NXPE2: variants seen among roughly 807,000 people sequenced by gnomAD.
NXPE2 encodes NXPE family member 2.
Under a neutral mutation model 34.4 loss-of-function variants are expected in NXPE2, and 34 were observed. That is an observed-to-expected ratio of 0.99 (90% CI 0.75 to 1.31). The LOEUF (loss-of-function observed/expected upper bound fraction) is 1.31, where lower values mean the gene tolerates loss of function less well. Ranked by LOEUF, NXPE2 falls within the 40% of genes most tolerant of loss-of-function variation. The pLI, the probability that NXPE2 is intolerant of heterozygous loss-of-function variation, is 0.00. For synonymous variants in NXPE2, 235 were observed against 231.3 expected, an observed-to-expected ratio of 1.02 and a Z score of -0.15; for missense variants, 649 against 672.5, an observed-to-expected ratio of 0.97 and a Z score of 0.39.
At chr11:114,573,987 G>C in the NXPE2 span, among the ~76,000 whole-genome samples, 1 of 151,948 alleles carries the variant, frequency 6.6e-6, no homozygotes, top group Admixed American at 6.6e-5. Context: ...GTAAATTTAA[G>C]AAAATCAAAA....
the NXPE2 span, among the ~76,000 whole-genome samples, chr11:114,804,227 C>T: frequency 1.3e-5 from 2 of 152,200 alleles, no homozygotes; most frequent in African/African-American, 4.8e-5. Context: ...CTCCATTTCC[C>T]TCTGCTCCCT....
At chr11:114,717,832 G>C in the NXPE2 span, among the ~76,000 whole-genome samples, 1 of 152,146 alleles carries the variant, frequency 6.6e-6, no homozygotes, top group East Asian at 1.9e-4. Flanking sequence ...AGGTTTGTTG[G>C]GGGAGAGTGA....
the NXPE2 span, among the ~76,000 whole-genome samples, chr11:114,801,664 A>AGCTGTTGT: frequency 1.2e-3 from 1 of 858 alleles, no homozygotes; most frequent in African/African-American, 1.4e-3. Context: ...CAGGATGTGA[A>AGCTGTTGT]GAAAAGGAGA....
At chr11:114,779,283 C>T in the NXPE2 span, among the ~76,000 whole-genome samples, 10 of 146,472 alleles carry the variant, frequency 6.8e-5, no homozygotes, top group Admixed American at 6.8e-4. Flanking sequence ...TTAACTTTTT[C>T]CAGCTATCAC....
chr11:114,622,170 A>G, the NXPE2 span, among the ~76,000 whole-genome samples: 1 of 151,940 alleles, frequency 6.6e-6, no homozygotes, highest in Admixed American at 6.6e-5. Flanking sequence ...CCAGTGGATA[A>G]TAAGTATTGC....
At chr11:114,627,930 T>C in the NXPE2 span, among the ~76,000 whole-genome samples, 2 of 151,992 alleles carry the variant, frequency 1.3e-5, no homozygotes, top group Non-Finnish European at 2.9e-5. Context: ...AGAAGGCCAT[T>C]ATTTAATGGT....
At chr11:114,629,472 C>A in the NXPE2 span, among the ~76,000 whole-genome samples, 10,954 of 147,396 alleles carry the variant, frequency 0.074, 507 homozygotes, top group Middle Eastern at 0.19. Flanking sequence ...ATTCAACAAC[C>A]CTTCATGCTA....
At chr11:114,501,221 C>A in the NXPE2 span, among the ~76,000 whole-genome samples, 6 of 152,136 alleles carry the variant, frequency 3.9e-5, no homozygotes, top group Non-Finnish European at 5.9e-5. Context: ...CACCCCAGAC[C>A]TAATTTTCAC....
chr11:114,760,757 C>A, the NXPE2 span, among the ~76,000 whole-genome samples: 1 of 152,150 alleles, frequency 6.6e-6, no homozygotes, highest in Admixed American at 6.5e-5. Flanking sequence ...TAATCAAGAC[C>A]ATTTTAAGGC....
chr11:114,577,433 T>C, the NXPE2 span, among the ~76,000 whole-genome samples: 3 of 151,916 alleles, frequency 2.0e-5, no homozygotes, highest in South Asian at 2.1e-4. Context: ...TAAAAGACTA[T>C]ACATTGGGCA....
chr11:114,538,401 A>G, the NXPE2 span, among the ~76,000 whole-genome samples: 5 of 152,188 alleles, frequency 3.3e-5, no homozygotes, highest in African/African-American at 1.2e-4. Context: ...ACCAAAAGCA[A>G]TGGCAACAAA....
chr11:114,523,303 G>C, the NXPE2 span, among the ~76,000 whole-genome samples: 1 of 151,966 alleles, frequency 6.6e-6, no homozygotes, highest in Non-Finnish European at 1.5e-5. Context: ...CTTGCCTTCT[G>C]TCTAATTCCT....
At chr11:114,713,990 C>T in the NXPE2 span, among the ~76,000 whole-genome samples, 2 of 152,244 alleles carry the variant, frequency 1.3e-5, no homozygotes, top group Admixed American at 6.5e-5. Context: ...TATTCTTGCT[C>T]CGCATATAAA....
the NXPE2 span, among the ~76,000 whole-genome samples, chr11:114,753,732 A>G: frequency 4.9e-4 from 74 of 152,348 alleles, no homozygotes; most frequent in African/African-American, 1.7e-3. Context: ...TAGTGTGCCA[A>G]ATTAAATCGT....
At chr11:114,597,525 C>T in the NXPE2 span, among the ~76,000 whole-genome samples, 4 of 152,282 alleles carry the variant, frequency 2.6e-5, no homozygotes, top group African/African-American at 9.6e-5. Context: ...CATTTTTATG[C>T]ATACATGGGT....
the NXPE2 span, among the ~76,000 whole-genome samples, chr11:114,557,392 A>C: frequency 6.6e-6 from 1 of 151,538 alleles, no homozygotes; most frequent in Non-Finnish European, 1.5e-5. Flanking sequence ...AGAAAACTGT[A>C]CTCCATTTAC....
chr11:114,745,125 A>G, the NXPE2 span, among the ~76,000 whole-genome samples: 1 of 152,224 alleles, frequency 6.6e-6, no homozygotes, highest in Non-Finnish European at 1.5e-5. Context: ...TTTGATGTAT[A>G]TTAGAGAAAA....
chr11:114,645,158 TG>T, the NXPE2 span, among the ~76,000 whole-genome samples: 1 of 151,798 alleles, frequency 6.6e-6, no homozygotes, highest in African/African-American at 2.4e-5. Flanking sequence ...AAAAATTAGC[TG>T]GGCGTGATGG....
At chr11:114,534,231 G>A in the NXPE2 span, among the ~76,000 whole-genome samples, 2 of 152,186 alleles carry the variant, frequency 1.3e-5, no homozygotes, top group African/African-American at 4.8e-5. Flanking sequence ...GGTTCTGACT[G>A]TTAGAAGGAA....
Sources: gnomAD v4.1 joint callset for allele counts (sites outside exome capture counted in the v4.1 genomes callset) on GRCh38, gnomAD v4.1.1 for gene constraint, MANE v1.5 for transcripts, NCBI Gene and HGNC (gene_info 2026-07-23, HGNC 2026-07-21) for gene names.